GNG7: variants seen among roughly 807,000 people sequenced by gnomAD.
GNG7 encodes G protein subunit gamma 7, also known as guanine nucleotide-binding protein G(I)/G(S)/G(O) subunit gamma-7.
Under a neutral mutation model 4.0 loss-of-function variants are expected in GNG7, and 1 was observed. The observed-to-expected ratio is 0.25, with a 90% CI of 0.09 to 1.18. The LOEUF is 1.18. GNG7 is among the 50% of genes most tolerant of loss of function. The pLI, the probability that GNG7 is intolerant of heterozygous loss-of-function variation, is 0.50. For synonymous variants in GNG7, 34 were observed against 36.9 expected, an observed-to-expected ratio of 0.92 and a Z score of 0.29; for missense variants, 86 against 91.9, an observed-to-expected ratio of 0.94 and a Z score of 0.26.
intron 1 of GNG7, among the ~76,000 whole-genome samples, chr19:2,695,368 C>A (rs1474749435): frequency 6.6e-6 from 1 of 152,150 alleles, no homozygotes; most frequent in Non-Finnish European, 1.5e-5. Context: ...TCTGTGCCAC[C>A]CTGGGCTCAG....
rs190122546 is a variant in GNG7, at chr19:2,630,428, C to T, written c.-78+15796G>A. ...GTTGACCTTGAGTTCACTGAAAGGG[C>T]GATTATCCTAGGTGGGCCTGGTCTA... On this transcript the variant is annotated intron_variant, in intron 2 of 4. Transcript: ENST00000382159. 1.8e-4 allele frequency among the ~76,000 whole-genome samples: 28 copies of T among 152,132 alleles called. No individual in the cohort carries two copies. In the East Asian group the frequency reaches 3.3e-3, roughly 18 times the overall value.
intron 3 of GNG7, among the ~76,000 whole-genome samples, chr19:2,549,294 T>G (rs544157804): frequency 6.7e-4 from 28 of 41,518 alleles, no homozygotes; most frequent in Non-Finnish European, 1.2e-3. Flanking sequence ...CAGGGCTGTG[T>G]TTTTTTTTTT....
chr19:2,521,340 C>T (rs1427361094), intron 3 of GNG7, among the ~76,000 whole-genome samples: 1 of 152,122 alleles, frequency 6.6e-6, no homozygotes, highest in Admixed American at 6.5e-5. Flanking sequence ...GGAGGACCCA[C>T]GCAGGCTCCC....
chr19:2,619,744 C>T (rs774670289), intron 2 of GNG7, among the ~76,000 whole-genome samples: 2 of 151,418 alleles, frequency 1.3e-5, no homozygotes, highest in African/African-American at 4.9e-5. Flanking sequence ...GGAGGGGATG[C>T]GTGTGTGGCA....
intron 2 of GNG7, among the ~76,000 whole-genome samples, chr19:2,637,753 C>T (rs567525983): frequency 6.6e-6 from 1 of 151,786 alleles, no homozygotes; most frequent in Non-Finnish European, 1.5e-5. Context: ...TGCTGAGCAG[C>T]GTCCCTGGCC....
intron 2 of GNG7, among the ~76,000 whole-genome samples, chr19:2,584,966 AGGAG>A (rs1367746890): frequency 3.0e-5 from 2 of 66,084 alleles, no homozygotes; most frequent in Non-Finnish European, 4.9e-5. Context: ...GAAAGAAGGA[AGGAG>A]GGAGGGAGGG....
chr19:2,581,000 G>C (rs902491304), intron 2 of GNG7, among the ~76,000 whole-genome samples: 20 of 151,934 alleles, frequency 1.3e-4, no homozygotes, highest in African/African-American at 4.8e-4. Flanking sequence ...CCCGATCCTA[G>C]ATGCTCCACC....
At chr19:2,528,841 G>C (rs888770251) in intron 3 of GNG7, among the ~76,000 whole-genome samples, 25 of 152,232 alleles carry the variant, frequency 1.6e-4, no homozygotes, top group African/African-American at 6.0e-4. Context: ...TGAGGAAACA[G>C]GGGTTCCAGA....
At chr19:2,576,899 G>T (rs532270235) in intron 2 of GNG7, among the ~76,000 whole-genome samples, 62 of 152,116 alleles carry the variant, frequency 4.1e-4, no homozygotes, top group Admixed American at 7.9e-4. Context: ...GCCCAGGCTG[G>T]TCTCAAACTC....
intron 2 of GNG7, among the ~76,000 whole-genome samples, chr19:2,623,969 G>A (rs550285174): frequency 6.6e-6 from 1 of 152,244 alleles, no homozygotes; most frequent in East Asian, 1.9e-4. Flanking sequence ...GTTGATGGAC[G>A]CTTGAGTTGC....
chr19:2,695,442 G>C (rs1331292942), intron 1 of GNG7, among the ~76,000 whole-genome samples: 1 of 152,166 alleles, frequency 6.6e-6, no homozygotes, highest in Non-Finnish European at 1.5e-5. Flanking sequence ...CCTCATTCAC[G>C]TGGTGCTCCC....
At chr19:2,541,585 C>CA (rs200967722) in intron 3 of GNG7, among the ~76,000 whole-genome samples, 3,812 of 151,576 alleles carry the variant, frequency 0.025, 91 homozygotes, top group Middle Eastern at 0.054. Context: ...ATACAAAAAA[C>CA]AAAAAAATTA....
At chr19:2,613,969 G>A (rs1190444391) in intron 2 of GNG7, among the ~76,000 whole-genome samples, 2 of 152,244 alleles carry the variant, frequency 1.3e-5, no homozygotes, top group East Asian at 1.9e-4. Context: ...TAAGGCCAGC[G>A]AAGGCCACGG....
chr19:2,677,070 C>T (rs1047045138), intron 1 of GNG7, among the ~76,000 whole-genome samples: 3 of 152,104 alleles, frequency 2.0e-5, no homozygotes, highest in Non-Finnish European at 4.4e-5. Flanking sequence ...ATCTGTGTCA[C>T]CACAGAGGAA....
At chr19:2,638,658 T>C (rs73920521) in intron 2 of GNG7, among the ~76,000 whole-genome samples, 6,703 of 148,846 alleles carry the variant, frequency 0.045, 321 homozygotes, top group African/African-American at 0.12. Context: ...TTGAGCAGTG[T>C]CCCTGACCTC....
intron 1 of GNG7, among the ~76,000 whole-genome samples, chr19:2,675,939 C>T (rs1006792171): frequency 3.9e-5 from 6 of 152,238 alleles, no homozygotes; most frequent in Admixed American, 3.3e-4. Flanking sequence ...AGGGTTTCTG[C>T]AGATGGACTT....
chr19:2,569,437 G>C (rs78727418), intron 2 of GNG7, among the ~76,000 whole-genome samples: 1 of 151,862 alleles, frequency 6.6e-6, no homozygotes, highest in African/African-American at 2.4e-5. Context: ...CACCACACCC[G>C]GCTAATTTTT....
intron 2 of GNG7, among the ~76,000 whole-genome samples, chr19:2,599,792 C>T (rs1325917433): frequency 6.6e-6 from 1 of 151,882 alleles, no homozygotes; most frequent in Admixed American, 6.6e-5. Context: ...CAAAAATTAG[C>T]CGGGGGTGGT....
intron 2 of GNG7, among the ~76,000 whole-genome samples, chr19:2,561,680 C>CT (rs1979744941): frequency 6.7e-6 from 1 of 149,960 alleles, no homozygotes; most frequent in African/African-American, 2.5e-5. Context: ...AGTTCAAGAC[C>CT]AGTCTGCCCA....
Sources: gnomAD v4.1 joint callset for allele counts (sites outside exome capture counted in the v4.1 genomes callset) on GRCh38, gnomAD v4.1.1 for gene constraint, MANE v1.5 for transcripts, NCBI Gene and HGNC (gene_info 2026-07-23, HGNC 2026-07-21) for gene names.